The following DMXL1 variants were observed in gnomAD, a reference collection of about 807,000 sequenced individuals.
DMXL1 encodes the protein dmX-like protein 1.
In DMXL1, 99 loss-of-function variants were observed where a neutral mutation model predicts 319.2. The observed-to-expected ratio is 0.31, with a 90% confidence interval of 0.26 to 0.37. The LOEUF is 0.37. Among genes scored for constraint, DMXL1 ranks in the 10% least tolerant of loss-of-function variants. The pLI is 1.00. For synonymous variants in DMXL1, 1,385 were observed against 1,235.2 expected (o/e 1.12, Z -2.54); for missense variants, 3,745 against 3,595.6 (o/e 1.04, Z -1.06).
intron 38 of DMXL1, among the ~76,000 whole-genome samples, chr5:119,230,841 G>A (rs369936820): frequency 7.2e-5 from 11 of 152,074 alleles, no homozygotes; most frequent in Admixed American, 1.3e-4. Context: ...GAGATCACAC[G>A]ATTGCACTCC....
intron 38 of DMXL1, among the ~76,000 whole-genome samples, chr5:119,228,695 A>C (rs933639774): frequency 6.6e-6 from 1 of 152,146 alleles, no homozygotes; most frequent in Non-Finnish European, 1.5e-5. Context: ...GAAACTCGCA[A>C]AGTTAGAGTG....
Position 119,171,961 on chromosome 5 carries a change from A to C in DMXL1, c.6673A>C (p.Ser2225Arg). ...FDSPPHPDIQ[S>R]NKVYVMHTLA... Reference sequence around the variant, plus strand: ...TTCACCACCCCACCCTGATATCCAAAGCAATAAAGTAAGTATGCTTGGTTT... The same window carrying C: ...TTCACCACCCCACCCTGATATCCAACGCAATAAAGTAAGTATGCTTGGTTT... The change falls in exon 25 of 44, where the codon AGC (serine) becomes CGC (arginine). Residue 2225 changes from serine to arginine, a missense_variant. Coordinates refer to ENST00000539542, the MANE Select transcript of DMXL1 (RefSeq NM_001290321.3). 1 of 1,610,594 alleles carries C rather than the reference A, an allele frequency of 6.2e-7. No individual in the cohort carries two copies. Among genetic ancestry groups the C allele is most frequent in the Non-Finnish European group, 8.5e-7 (1 of 1,178,344 alleles).
chr5:119,218,833 TA>T (rs1462535619), intron 35 of DMXL1, among the ~76,000 whole-genome samples: 1 of 152,222 alleles, frequency 6.6e-6, no homozygotes, highest in African/African-American at 2.4e-5. Context: ...TGCATTTTTT[TA>T]AATGCCATTG....
chr5:119,150,683 T>G (rs1180595863), intron 18 of DMXL1, among the ~76,000 whole-genome samples: 1 of 151,822 alleles, frequency 6.6e-6, no homozygotes, highest in Non-Finnish European at 1.5e-5. Flanking sequence ...TCCTAGCTAC[T>G]CAGGAGGCTG....
intron 29 of DMXL1, among the ~76,000 whole-genome samples, chr5:119,191,482 T>A (rs1358605377): frequency 6.6e-6 from 1 of 152,244 alleles, no homozygotes; most frequent in Non-Finnish European, 1.5e-5. Context: ...AACAAATGTT[T>A]ATTAAGCACT....
At chr5:119,111,420 T>A (rs555676445) in intron 5 of DMXL1, among the ~76,000 whole-genome samples, 4 of 152,208 alleles carry the variant, frequency 2.6e-5, no homozygotes, top group Non-Finnish European at 5.9e-5. Context: ...TTTTATATAT[T>A]AGGTTAAATA....
chr5:119,247,063 T>C lies in DMXL1; in HGVS notation c.8991T>C (p.Phe2997=). 1 of 1,614,180 alleles carries C rather than the reference T, an allele frequency of 6.2e-7. No individual in the cohort carries two copies. The highest frequency in any genetic ancestry group is 8.5e-7 in the Non-Finnish European group (1 of 1,179,992). The change falls in exon 44 of 44, where the codon TTT becomes TTC. Residue 2997 remains phenylalanine, a synonymous_variant. Transcript: ENST00000539542. ...GTGAACATGCTCGGCAGTCCATTTT[T>C]AGAAATATTGGAACTGGAGTGATGC... ...FVSEHARQSI[F]RNIGTGVMQI...
At chr5:119,172,492 A>C (rs1774791371) in intron 25 of DMXL1, among the ~76,000 whole-genome samples, 1 of 152,180 alleles carries the variant, frequency 6.6e-6, no homozygotes, top group Admixed American at 6.5e-5. Flanking sequence ...GTTCACTCCA[A>C]ACTTATTCAA....
At chr5:119,074,122 T>C (rs1750276218) in intron 1 of DMXL1, among the ~76,000 whole-genome samples, 1 of 152,210 alleles carries the variant, frequency 6.6e-6, no homozygotes, top group African/African-American at 2.4e-5. Context: ...TTTCACCATG[T>C]TGGTCAGGCT....
chr5:119,071,781 C>T, intron 1 of DMXL1, 125 bp downstream of exon 1: 1 of 769,914 alleles, frequency 1.3e-6, no homozygotes, highest in Non-Finnish European at 2.0e-6. Context: ...CCTTACCACC[C>T]AGAACCCAGC....
At chr5:119,166,497 A>G in intron 21 of DMXL1, 119 bp from the exon 22 acceptor site, 1 of 757,432 alleles carries the variant, frequency 1.3e-6, no homozygotes, top group East Asian at 2.8e-5. Context: ...ATACATAGTA[A>G]GTTATGAACT....
chr5:119,177,856 T>G, intron 27 of DMXL1, 140 bp from the exon 28 acceptor site: 1 of 687,750 alleles, frequency 1.5e-6, no homozygotes. Flanking sequence ...TAACCGCTAC[T>G]AGTCTGTGAA....
intron 35 of DMXL1, among the ~76,000 whole-genome samples, chr5:119,219,052 C>T (rs904971528): frequency 1.3e-4 from 20 of 152,070 alleles, no homozygotes; most frequent in African/African-American, 4.1e-4. Context: ...AGAAGACATA[C>T]GACTCTTGGA....
In DMXL1 at chr5:119,150,134, A is replaced by C. The variant is rs770780325; in HGVS notation, c.4307A>C (p.Asn1436Thr). ...SSNESTLSKS[N>T]QLSKESYDEL... ...AATGAGAGTACGTTAAGTAAATCAA[A>C]CCAATTATCTAAAGAAAGTTATGAT... Residue 1436 changes from asparagine (N) to threonine (T), a missense_variant, in exon 18 of 44, where the codon AAC (asparagine) becomes ACC (threonine). By Grantham distance (65) the Asn-to-Thr change is moderately conservative. This residue lies in a region of DMXL1 where 2,096 missense variants were observed against 1,985.4 expected (regional missense o/e 1.06). Coordinates refer to ENST00000539542, the MANE Select transcript of DMXL1 (RefSeq NM_001290321.3). 26 of 1,613,684 alleles carry C rather than the reference A, an allele frequency of 1.6e-5. No individual in the cohort carries two copies. The Admixed American group carries it at 4.3e-4, about 27-fold the overall frequency.
At chr5:119,127,971 A>G in intron 9 of DMXL1, 1 of 391,412 alleles carries the variant, frequency 2.6e-6, no homozygotes, top group Non-Finnish European at 5.2e-6. Context: ...AGGAGAAATG[A>G]AGTATAAACA....
intron 1 of DMXL1, among the ~76,000 whole-genome samples, chr5:119,091,948 C>G (rs1754892546): frequency 6.6e-6 from 1 of 152,182 alleles, no homozygotes; most frequent in South Asian, 2.1e-4. Context: ...TCTTTAGGCA[C>G]TTGTGATGCT....
chr5:119,103,046 A>G (rs147566859), intron 3 of DMXL1, among the ~76,000 whole-genome samples: 2 of 152,216 alleles, frequency 1.3e-5, no homozygotes, highest in Admixed American at 1.3e-4. Flanking sequence ...CTATGTAACA[A>G]ATCTTCACAG....
chr5:119,196,502 T>C (rs1779651213), intron 31 of DMXL1, 46 bp downstream of exon 31: 1 of 1,282,446 alleles, frequency 7.8e-7, no homozygotes, highest in South Asian at 1.3e-5. Flanking sequence ...TGCTTTTGAC[T>C]TACTACTCTG....
At chr5:119,150,520 G>A in intron 18 of DMXL1, 99 bp downstream of exon 18, 1 of 1,307,248 alleles carries the variant, frequency 7.6e-7, no homozygotes, top group Non-Finnish European at 1.0e-6. Context: ...TAGGCACAGG[G>A]GCTTATGCCT....
Sources: allele counts gnomAD v4.1 joint callset (sites outside exome capture counted in the v4.1 genomes callset), GRCh38; gene constraint gnomAD v4.1.1; regional missense constraint gnomAD v4.1.1; transcripts MANE v1.5; gene names NCBI Gene and HGNC (gene_info 2026-07-23, HGNC 2026-07-21).